Variants in UBE2W observed in about 807,000 individuals in gnomAD.
UBE2W encodes ubiquitin conjugating enzyme E2 W.
In UBE2W, 18 loss-of-function variants were observed where a neutral mutation model predicts 27.2. That is an observed-to-expected ratio of 0.66 (90% CI 0.46 to 0.98). The LOEUF (loss-of-function observed/expected upper bound fraction) is 0.98. Ranked by LOEUF, UBE2W falls within the 50% of genes least tolerant of loss-of-function variation. UBE2W has a pLI of 0.00. For missense variants in UBE2W, 90 were observed against 180.2 expected (o/e 0.50, Z 2.87); for synonymous variants, 53 against 57.2 (o/e 0.93, Z 0.33).
At chr8:73,805,415 T>C (rs185429570) in intron 5 of UBE2W, among the ~76,000 whole-genome samples, 154 of 81,866 alleles carry the variant, frequency 1.9e-3, no homozygotes, top group African/African-American at 6.6e-3. Flanking sequence ...AATAACACCA[T>C]TGCACTCCAG....
At chr8:73,801,392 A>G (rs1488112917) in intron 5 of UBE2W, among the ~76,000 whole-genome samples, 1 of 152,202 alleles carries the variant, frequency 6.6e-6, no homozygotes, top group Non-Finnish European at 1.5e-5. Flanking sequence ...AGAGGGTTGT[A>G]CTTTAAAAAA....
intron 1 of UBE2W, among the ~76,000 whole-genome samples, chr8:73,837,223 A>C (rs769863750): frequency 5.9e-5 from 9 of 152,236 alleles, no homozygotes; most frequent in Non-Finnish European, 1.2e-4. Context: ...ATTTAAAAAA[A>C]TGAAGTGGGT....
intron 5 of UBE2W, among the ~76,000 whole-genome samples, 179 bp downstream of exon 5, chr8:73,805,472 C>CAAACAAAAAAACAAAACAAAA (rs1254739442): frequency 2.3e-5 from 1 of 43,676 alleles, no homozygotes; most frequent in Non-Finnish European, 5.0e-5. Context: ...AAAAAAAAAA[C>CAAACAAAAAAACAAAACAAAA]AAAAAAAACT....
At chr8:73,808,973 T>C (rs778126227) in intron 4 of UBE2W, among the ~76,000 whole-genome samples, 1 of 152,224 alleles carries the variant, frequency 6.6e-6, no homozygotes, top group Non-Finnish European at 1.5e-5. Context: ...TGCAAGACTA[T>C]GTACAGATAT....
At chr8:73,800,850 T>C (rs1424425899) in intron 5 of UBE2W, among the ~76,000 whole-genome samples, 1 of 152,202 alleles carries the variant, frequency 6.6e-6, no homozygotes, top group African/African-American at 2.4e-5. Flanking sequence ...TCCCAGCACT[T>C]TGGGAGGCCG....
intron 1 of UBE2W, among the ~76,000 whole-genome samples, chr8:73,838,214 A>T (rs992847467): frequency 6.6e-6 from 1 of 152,182 alleles, no homozygotes; most frequent in Non-Finnish European, 1.5e-5. Flanking sequence ...GCTAGCAGCC[A>T]GCTCCCTTTC....
Position 73,789,797 on chromosome 8 carries a change from A to C in UBE2W, c.*4305T>G. On this transcript the variant is annotated 3_prime_UTR_variant, in exon 6 of 6. Coordinates refer to ENST00000602593, the MANE Select transcript of UBE2W (RefSeq NM_018299.6). ...AGATTGAAATGAGCCAAGATCGTGC[A>C]CTGCACTAAAGCCCGGGTGACAGAG... The C allele has an allele frequency of 1.7e-6, 1 of 578,432 alleles. No homozygotes were observed. The highest frequency in any genetic ancestry group is 2.2e-6 in the Non-Finnish European group (1 of 458,590). 35.8% of individuals were successfully genotyped at this position (578,432 alleles called of 1,614,324 possible). A position where few individuals can be genotyped will look rare whatever the true frequency, so the allele number is the denominator to read the frequency against.
At chr8:73,869,312 C>G (rs371624309) in intron 1 of UBE2W, among the ~76,000 whole-genome samples, 1 of 152,196 alleles carries the variant, frequency 6.6e-6, no homozygotes, top group African/African-American at 2.4e-5. Context: ...AATCCCAGCA[C>G]TTTGTGAGGC....
chr8:73,791,339 G>C lies in UBE2W; in HGVS notation c.*2763C>G. On this transcript the variant is annotated 3_prime_UTR_variant, in exon 6 of 6. Coordinates refer to ENST00000602593, the MANE Select transcript of UBE2W (RefSeq NM_018299.6). ...TAAATAAGGAAGCAAATGTATCACTGTCTTAATAGAATTTGGCAAACCAGA... is the reference window on the plus strand; with the variant it reads ...TAAATAAGGAAGCAAATGTATCACTCTCTTAATAGAATTTGGCAAACCAGA... 1 of 982,762 alleles carries C rather than the reference G, an allele frequency of 1.0e-6. No individual in the cohort carries two copies. The highest frequency in any genetic ancestry group is 1.2e-6 in the Non-Finnish European group (1 of 829,398). 60.9% of individuals were successfully genotyped at this position (982,762 alleles called of 1,614,324 possible).
intron 3 of UBE2W, among the ~76,000 whole-genome samples, chr8:73,818,191 AT>A (rs1809471973): frequency 6.6e-6 from 1 of 152,178 alleles, no homozygotes; most frequent in African/African-American, 2.4e-5. Context: ...TATGCCAAAA[AT>A]CATGGAGTCT....
rs76643275 is a variant in UBE2W, at chr8:73,877,518, A to G, written c.15+1290T>C. On this transcript the variant is annotated intron_variant, in intron 1 of 5. Coordinates refer to ENST00000602593, the MANE Select transcript of UBE2W (RefSeq NM_018299.6). ...ACAGGAGTAAATGTGAAGCAAAGCT[A>G]TATTTGTACAAAAGAGGAAGAAGAT... is the stretch of plus-strand genomic sequence containing the variant. Among the ~76,000 whole-genome samples the G allele has an allele frequency of 1.1e-3, 174 of 152,348 alleles. 1 individual carries two copies. The highest frequency in any genetic ancestry group is 3.8e-3 in the African/African-American group (159 of 41,576).
intron 2 of UBE2W, among the ~76,000 whole-genome samples, chr8:73,830,121 G>A (rs1370476147): frequency 6.6e-6 from 1 of 151,802 alleles, no homozygotes; most frequent in Non-Finnish European, 1.5e-5. Flanking sequence ...CAAAGTCAGT[G>A]CTACTCAGTT....
chr8:73,854,583 T>A (rs1811209879), intron 1 of UBE2W, among the ~76,000 whole-genome samples: 1 of 152,212 alleles, frequency 6.6e-6, no homozygotes, highest in African/African-American at 2.4e-5. Flanking sequence ...CCAGTGAACA[T>A]AAAATCTAGT....
chr8:73,820,189 G>A (rs1809549568), intron 3 of UBE2W, among the ~76,000 whole-genome samples: 1 of 152,112 alleles, frequency 6.6e-6, no homozygotes, highest in Admixed American at 6.6e-5. Context: ...TGCCCTAGAG[G>A]ACTGGTTCTA....
chr8:73,835,684 CAGTG>C (rs1810282055), intron 1 of UBE2W, among the ~76,000 whole-genome samples: 2 of 152,170 alleles, frequency 1.3e-5, no homozygotes, highest in African/African-American at 2.4e-5. Flanking sequence ...GCAGAGGTTG[CAGTG>C]AGTGAGATCA....
chr8:73,870,294 C>T, intron 1 of UBE2W: 1 of 1,583,892 alleles, frequency 6.3e-7, no homozygotes. Context: ...CACCCTCCTT[C>T]CTGTGGTCTG....
intron 1 of UBE2W, among the ~76,000 whole-genome samples, chr8:73,850,725 TAAAAAAAAAAA>T (rs11318665): frequency 3.5e-4 from 22 of 63,590 alleles, no homozygotes; most frequent in Middle Eastern, 0.019. Context: ...AGCAGGACAT[TAAAAAAAAAAA>T]AAAAAAAAAA....
At chr8:73,819,585 T>C (rs1411728296) in intron 3 of UBE2W, among the ~76,000 whole-genome samples, 1 of 152,188 alleles carries the variant, frequency 6.6e-6, no homozygotes, top group Non-Finnish European at 1.5e-5. Context: ...AAGCAGAATA[T>C]GTACATAGAA....
intron 4 of UBE2W, 115 bp downstream of exon 4, chr8:73,810,359 T>C: frequency 9.4e-7 from 1 of 1,065,784 alleles, no homozygotes; most frequent in Non-Finnish European, 1.3e-6. Context: ...TCCCTATAAT[T>C]TTCAAATAAA....
Sources: allele counts gnomAD v4.1 joint callset (sites outside exome capture counted in the v4.1 genomes callset), GRCh38; gene constraint gnomAD v4.1.1; transcripts MANE v1.5; gene names NCBI Gene and HGNC (gene_info 2026-07-23, HGNC 2026-07-21).